Variants in ELMO1 observed in about 807,000 individuals in gnomAD.
ELMO1 encodes the protein engulfment and cell motility protein 1.
ELMO1 carries 26 observed loss-of-function variants against 98.9 expected under a neutral mutation model. That is an observed-to-expected ratio of 0.26 (90% CI 0.19 to 0.36). The LOEUF is 0.36. Among genes scored for constraint, ELMO1 ranks in the 10% least tolerant of loss-of-function variants. The probability of loss-of-function intolerance (pLI) is 1.00; values close to 1 mark genes in which losing one functional copy is unlikely to be tolerated. For missense variants in ELMO1, 627 were observed against 935.2 expected (o/e 0.67, Z 4.30); for synonymous variants, 346 against 346.0 (o/e 1.00, Z 0.00).
At chr7:37,019,483 A>T (rs1223783285) in intron 15 of ELMO1, among the ~76,000 whole-genome samples, 1 of 152,246 alleles carries the variant, frequency 6.6e-6, no homozygotes, top group African/African-American at 2.4e-5. Flanking sequence ...CACGGTGGCC[A>T]TGTTCACCAT....
chr7:37,211,542 A>G lies in ELMO1; in HGVS notation c.955-25T>C, dbSNP rs1447176367. On this transcript the variant is annotated intron_variant, in intron 12 of 21. Transcript: ENST00000310758. Reference sequence around the variant, plus strand: ...CCTGAAGGAATCAGGGAGTAAAAAGAAAAGGGAGGGGAAAAAGCTGCTTTC... The same window carrying G: ...CCTGAAGGAATCAGGGAGTAAAAAGGAAAGGGAGGGGAAAAAGCTGCTTTC... The G allele has an allele frequency of 1.9e-6, 3 of 1,610,372 alleles. No individual in the cohort carries two copies. The African/African-American group carries it at 4.0e-5, about 22-fold the overall frequency.
intron 15 of ELMO1, among the ~76,000 whole-genome samples, chr7:37,015,636 A>G (rs1793884134): frequency 1.3e-5 from 2 of 152,174 alleles, no homozygotes; most frequent in African/African-American, 4.8e-5. Context: ...ATAGGAAATG[A>G]AGTCCCCTCT....
At chr7:37,091,835 A>C (rs1784109457) in intron 15 of ELMO1, among the ~76,000 whole-genome samples, 1 of 152,188 alleles carries the variant, frequency 6.6e-6, no homozygotes, top group African/African-American at 2.4e-5. Flanking sequence ...ACAGAATGAG[A>C]ACGGAGCAAA....
chr7:37,125,896 C>A (rs916702796), intron 14 of ELMO1, among the ~76,000 whole-genome samples: 1 of 152,082 alleles, frequency 6.6e-6, no homozygotes, highest in Non-Finnish European at 1.5e-5. Context: ...TGGAACCAAG[C>A]CAAATGTCCA....
chr7:37,000,584 A>G (rs1233165873), intron 16 of ELMO1, among the ~76,000 whole-genome samples: 1 of 152,192 alleles, frequency 6.6e-6, no homozygotes, highest in Non-Finnish European at 1.5e-5. Context: ...AATACAAAAG[A>G]TAATTTTTGT....
At chr7:37,363,679 C>G (rs1267188037) in intron 1 of ELMO1, among the ~76,000 whole-genome samples, 1 of 152,178 alleles carries the variant, frequency 6.6e-6, no homozygotes, top group African/African-American at 2.4e-5. Flanking sequence ...CCTTTCACTT[C>G]TCCCCTTTCA....
chr7:36,878,050 A>C lies in ELMO1; in HGVS notation c.1782T>G (p.Ser594Arg), dbSNP rs1804113211. ...KVLHYGDLEESPQGEVPHDSL... is the reference protein window; with the variant it reads ...KVLHYGDLEERPQGEVPHDSL... The stretch of plus-strand genomic sequence containing the variant: ...AATCGTGGGGCACTTCTCCCTGAGG[A>C]CTCTCTTCTAAGTCTCCGTAATGCA... Residue 594 changes from serine to arginine, a missense_variant, in exon 19 of 22, where the codon AGT (serine) becomes AGG (arginine). Ser to Arg is a moderately radical substitution (Grantham distance 110). This residue lies in a region of ELMO1 where 492 missense variants were observed against 715.6 expected (regional missense o/e 0.69). Transcript: ENST00000310758. The C allele has an allele frequency of 6.2e-7, 1 of 1,614,048 alleles. No homozygotes were observed. The highest frequency in any genetic ancestry group is 8.5e-7 in the Non-Finnish European group (1 of 1,179,958).
At chr7:37,055,641 G>A (rs1796354061) in intron 15 of ELMO1, among the ~76,000 whole-genome samples, 1 of 152,112 alleles carries the variant, frequency 6.6e-6, no homozygotes, top group Non-Finnish European at 1.5e-5. Context: ...TCTCTCATTC[G>A]TTTTATTTTG....
intron 21 of ELMO1, among the ~76,000 whole-genome samples, chr7:36,859,431 G>A (rs1802444274): frequency 6.6e-6 from 1 of 152,184 alleles, no homozygotes; most frequent in Admixed American, 6.5e-5. Flanking sequence ...GGGTGATGGT[G>A]GAAGAGTGGA....
chr7:37,424,869 TTAATAA>T (rs202107297), intron 1 of ELMO1, among the ~76,000 whole-genome samples: 1 of 150,632 alleles, frequency 6.6e-6, no homozygotes, highest in African/African-American at 2.4e-5. Flanking sequence ...TTATATATTT[TTAATAA>T]TAATAATAAT....
At chr7:37,101,215 G>A (rs1238027598) in intron 14 of ELMO1, among the ~76,000 whole-genome samples, 1 of 152,172 alleles carries the variant, frequency 6.6e-6, no homozygotes, top group Non-Finnish European at 1.5e-5. Context: ...GATAAAAGTA[G>A]GTCCTCACCT....
intron 21 of ELMO1, among the ~76,000 whole-genome samples, chr7:36,857,622 A>G (rs1236483424): frequency 1.3e-5 from 2 of 152,214 alleles, no homozygotes. Flanking sequence ...ATCGACCAAT[A>G]AATAAAAACC....
intron 18 of ELMO1, among the ~76,000 whole-genome samples, chr7:36,884,006 T>C (rs1269831436): frequency 1.3e-5 from 2 of 152,130 alleles, no homozygotes; most frequent in East Asian, 3.9e-4. Context: ...GCTCCCATGC[T>C]ACTCCACCTC....
chr7:36,914,275 T>A (rs1054510825), intron 16 of ELMO1, among the ~76,000 whole-genome samples: 5 of 152,186 alleles, frequency 3.3e-5, no homozygotes, highest in African/African-American at 1.2e-4. Flanking sequence ...ATCAACTTAG[T>A]ATTGTTTGTA....
chr7:36,939,650 T>C lies in ELMO1; in HGVS notation c.1438-44633A>G, dbSNP rs145407466. On this transcript the variant is annotated intron_variant, in intron 16 of 21. Coordinates refer to ENST00000310758, the MANE Select transcript of ELMO1 (RefSeq NM_014800.11). The stretch of plus-strand genomic sequence containing the variant: ...CTGTGGCTCTGGACCATGCCACATA[T>C]AGACAAGGGTTCCCATGTTCAAAGT... Among the ~76,000 whole-genome samples, 34 of 152,350 alleles carry C rather than the reference T, an allele frequency of 2.2e-4. 1 individual carries two copies. Among genetic ancestry groups the C allele is most frequent in the Admixed American group, 1.6e-3 (24 of 15,306 alleles).
intron 16 of ELMO1, among the ~76,000 whole-genome samples, chr7:36,925,252 T>C (rs1785465012): frequency 6.6e-6 from 1 of 152,154 alleles, no homozygotes; most frequent in Admixed American, 6.5e-5. Context: ...TGTCTAAAAA[T>C]AAAACCATTT....
chr7:36,984,068 A>G (rs1216799299), intron 16 of ELMO1, among the ~76,000 whole-genome samples: 2 of 151,440 alleles, frequency 1.3e-5, no homozygotes, highest in Non-Finnish European at 2.9e-5. Flanking sequence ...ATGTAAAGTG[A>G]CACTAGTGGG....
intron 12 of ELMO1, among the ~76,000 whole-genome samples, chr7:37,213,042 A>G (rs1275972124): frequency 1.3e-5 from 2 of 152,138 alleles, no homozygotes; most frequent in African/African-American, 2.4e-5. Context: ...CTACTATTAA[A>G]TGTTACTTGG....
intron 16 of ELMO1, among the ~76,000 whole-genome samples, chr7:36,972,044 C>T (rs1790008669): frequency 1.3e-5 from 2 of 152,084 alleles, no homozygotes; most frequent in African/African-American, 2.4e-5. Flanking sequence ...CTTTCTGGCC[C>T]CCCAACAATG....
Sources: gnomAD v4.1 joint callset for allele counts (sites outside exome capture counted in the v4.1 genomes callset) on GRCh38, gnomAD v4.1.1 for gene constraint, gnomAD v4.1.1 regional missense constraint, MANE v1.5 for transcripts, NCBI Gene and HGNC (gene_info 2026-07-23, HGNC 2026-07-21) for gene names.